Variants in FRY observed in about 807,000 individuals in gnomAD.
FRY encodes protein furry homolog.
Under a neutral mutation model 348.4 loss-of-function variants are expected in FRY, and 128 were observed. The observed-to-expected ratio is 0.37, with a 90% CI of 0.32 to 0.43. FRY has a LOEUF of 0.43. Among genes scored for constraint, FRY ranks in the 20% least tolerant of loss-of-function variants. The pLI, the probability that FRY is intolerant of heterozygous loss-of-function variation, is 1.00. For missense variants in FRY, 2,736 were observed against 3,695.2 expected (o/e 0.74, Z 6.73); for synonymous variants, 1,370 against 1,374.7 (o/e 1.00, Z 0.08).
intron 29 of FRY, among the ~76,000 whole-genome samples, chr13:32,196,963 C>A (rs1378381963): frequency 6.6e-6 from 1 of 152,114 alleles, no homozygotes; most frequent in Admixed American, 6.5e-5. Context: ...GAGAAAGAAA[C>A]TAAATGACTT....
chr13:32,251,767 A>G (rs1207775216), intron 49 of FRY, 111 bp from the exon 50 acceptor site: 1 of 754,770 alleles, frequency 1.3e-6, no homozygotes, highest in Admixed American at 1.8e-5. Context: ...TTTACATTTC[A>G]TTCTGTCTAT....
At position 32,102,048 on chromosome 13, in the gene FRY, C is replaced by T. The variant is rs772092370; in HGVS notation, c.324+32C>T. On this transcript the variant is annotated intron_variant, in intron 3 of 60. Coordinates refer to ENST00000542859, the MANE Select transcript of FRY (RefSeq NM_023037.3). ...GATATATATGTTATATACTAGTTTT[C>T]CTTTATTTCAGCATTCACGCAAGGC... 70 of 1,288,840 alleles carry T rather than the reference C, an allele frequency of 5.4e-5. 1 individual carries two copies. In the Middle Eastern group the frequency reaches 7.3e-4, roughly 14 times the overall value. The allele number at this position is 1,288,840 out of a possible 1,614,324, so 79.8% of individuals were successfully genotyped here.
intron 53 of FRY, among the ~76,000 whole-genome samples, chr13:32,262,865 G>C (rs949512758): frequency 9.7e-6 from 1 of 102,692 alleles, no homozygotes; most frequent in Non-Finnish European, 2.5e-5. Context: ...CACATATTTG[G>C]GGAATTTTTT....
chr13:32,212,506 T>C, intron 35 of FRY, 124 bp downstream of exon 35: 2 of 691,406 alleles, frequency 2.9e-6, no homozygotes, highest in Non-Finnish European at 5.2e-6. Flanking sequence ...TCTTTGTTTT[T>C]AGAAACTCAG....
intron 41 of FRY, 133 bp from the exon 42 acceptor site, chr13:32,234,440 AT>A (rs1726804530): frequency 3.4e-5 from 27 of 799,416 alleles, no homozygotes; most frequent in Middle Eastern, 7.2e-4. Flanking sequence ...GAAAAAAAAA[AT>A]GGTTGACTTG....
At chr13:32,253,431 A>G (rs1162388836) in intron 50 of FRY, among the ~76,000 whole-genome samples, 1 of 152,236 alleles carries the variant, frequency 6.6e-6, no homozygotes, top group East Asian at 1.9e-4. Context: ...AGACATTATA[A>G]TGGTTATACA....
At chr13:32,264,256 A>T (rs528606605) in intron 53 of FRY, among the ~76,000 whole-genome samples, 1 of 152,328 alleles carries the variant, frequency 6.6e-6, no homozygotes, top group African/African-American at 2.4e-5. Flanking sequence ...CTGTAGTTTT[A>T]AAAAGCAAAT....
chr13:32,155,344 G>A, intron 14 of FRY, 147 bp from the exon 15 acceptor site: 2 of 671,902 alleles, frequency 3.0e-6, no homozygotes, highest in Non-Finnish European at 5.3e-6. Flanking sequence ...ATTTTCATAA[G>A]ATTGCTCTAC....
chr13:32,257,920 T>C, intron 51 of FRY: 4 of 1,557,990 alleles, frequency 2.6e-6, no homozygotes, highest in Non-Finnish European at 3.5e-6. Flanking sequence ...TCATTGTAAA[T>C]AGACCTTTTG....
rs1885226851 is a variant in FRY at position 32,219,855 on chromosome 13, G to C, written c.4765+1024G>C. 1.3e-5 allele frequency among the ~76,000 whole-genome samples: 2 copies of C among 152,278 alleles called. 1 individual carries two copies. Among genetic ancestry groups the C allele is most frequent in the African/African-American group, 4.8e-5 (2 of 41,548 alleles). On this transcript the variant is annotated intron_variant, in intron 36 of 60. Coordinates refer to ENST00000542859, the MANE Select transcript of FRY (RefSeq NM_023037.3). ...TGTTCCTATGTTGAATTTCTCAATGGCATAGTCTCCATAGCCTATTGAAAG... is the reference window on the plus strand; with the variant it reads ...TGTTCCTATGTTGAATTTCTCAATGCCATAGTCTCCATAGCCTATTGAAAG...
intron 12 of FRY, 97 bp from the exon 13 acceptor site, chr13:32,147,742 C>G (rs928205259): frequency 5.0e-6 from 4 of 795,398 alleles, no homozygotes; most frequent in Non-Finnish European, 9.2e-6. Context: ...TGAATTCTCT[C>G]TGATTCTTAG....
At chr13:32,245,031 C>T (rs1409564063) in intron 47 of FRY, among the ~76,000 whole-genome samples, 1 of 152,072 alleles carries the variant, frequency 6.6e-6, no homozygotes, top group African/African-American at 2.4e-5. Context: ...CTCACTGCAA[C>T]CTCCACCTCC....
chr13:32,089,776 A>G (rs568264011), intron 2 of FRY, among the ~76,000 whole-genome samples: 3 of 91,142 alleles, frequency 3.3e-5, no homozygotes, highest in East Asian at 1.1e-3. Context: ...AAAGAAAAAA[A>G]GAAGAAGGAA....
intron 2 of FRY, among the ~76,000 whole-genome samples, chr13:32,081,842 A>G (rs1314211800): frequency 6.6e-6 from 1 of 152,134 alleles, no homozygotes; most frequent in Admixed American, 6.6e-5. Flanking sequence ...GTTATTTTTG[A>G]TGTATGTAGA....
intron 1 of FRY, among the ~76,000 whole-genome samples, chr13:32,068,247 A>C (rs1935805283): frequency 6.6e-6 from 1 of 152,162 alleles, no homozygotes; most frequent in South Asian, 2.1e-4. Flanking sequence ...ATGAGCAAGC[A>C]GAAGAAGAAA....
chr13:32,196,599 T>C (rs887028939), intron 29 of FRY, among the ~76,000 whole-genome samples: 2 of 152,058 alleles, frequency 1.3e-5, no homozygotes, highest in African/African-American at 2.4e-5. Flanking sequence ...TGTGTGTGCA[T>C]GTGTTGTGAA....
At chr13:32,072,642 C>G (rs915577828) in intron 1 of FRY, among the ~76,000 whole-genome samples, 1 of 150,412 alleles carries the variant, frequency 6.6e-6, no homozygotes, top group South Asian at 2.1e-4. Context: ...TGTTATTGCT[C>G]TATACACAGA....
In FRY at chr13:32,296,467, T is replaced by A. The variant is rs908771238; in HGVS notation, c.*1007T>A. On this transcript the variant is annotated 3_prime_UTR_variant, in exon 61 of 61. Coordinates refer to ENST00000542859, the MANE Select transcript of FRY (RefSeq NM_023037.3). ...AGTTCTCTCCTTAAACTTAATGCTG[T>A]CAAGTGTTAGATGTGTGCATGTGAA... 3.9e-5 allele frequency: 6 copies of A among 152,636 alleles called. No individual in the cohort carries two copies. Among genetic ancestry groups the A allele is most frequent in the Non-Finnish European group, 8.8e-5 (6 of 68,034 alleles). The allele number at this position is 152,636 out of a possible 1,614,324, so 9.5% of individuals were successfully genotyped here.
chr13:32,219,173 C>A (rs1885174139), intron 36 of FRY, among the ~76,000 whole-genome samples: 1 of 149,550 alleles, frequency 6.7e-6, no homozygotes, highest in African/African-American at 2.5e-5. Context: ...ACTGCAAGCT[C>A]CGCCTTCTGG....
Sources: gnomAD v4.1 joint callset for allele counts (sites outside exome capture counted in the v4.1 genomes callset) on GRCh38, gnomAD v4.1.1 for gene constraint, MANE v1.5 for transcripts, NCBI Gene and HGNC (gene_info 2026-07-23, HGNC 2026-07-21) for gene names.